TCERG1L: variants seen among roughly 807,000 people sequenced by gnomAD.
The protein encoded by TCERG1L is transcription elongation regulator 1 like.
A neutral mutation model predicts 56.3 loss-of-function variants in TCERG1L; 37 were observed. That is an observed-to-expected ratio of 0.66 (90% CI 0.51 to 0.87). The LOEUF (loss-of-function observed/expected upper bound fraction) is 0.87. TCERG1L is among the 40% of genes least tolerant of loss of function. TCERG1L has a pLI of 0.00. For synonymous variants in TCERG1L, 324 were observed against 326.3 expected, an observed-to-expected ratio of 0.99 and a Z score of 0.08; for missense variants, 799 against 774.2, an observed-to-expected ratio of 1.03 and a Z score of -0.38.
intron 4 of TCERG1L, among the ~76,000 whole-genome samples, chr10:131,216,282 T>C (rs959046952): frequency 3.3e-5 from 5 of 151,784 alleles, no homozygotes; most frequent in African/African-American, 1.2e-4. Flanking sequence ...TATGGAAGGG[T>C]AGAGACTGGG....
intron 4 of TCERG1L, among the ~76,000 whole-genome samples, chr10:131,219,691 C>T (rs917123924): frequency 9.2e-5 from 14 of 152,296 alleles, no homozygotes; most frequent in Non-Finnish European, 1.9e-4. Context: ...GGCTTCCCCT[C>T]GAAGCTCACC....
intron 6 of TCERG1L, chr10:131,162,405 C>G (rs1347204822): frequency 6.6e-6 from 1 of 152,272 alleles, no homozygotes; most frequent in Admixed American, 6.5e-5. Flanking sequence ...GGGCATGGCA[C>G]AGCAGGCCCA....
At chr10:131,149,051 T>C (rs1413569531) in intron 6 of TCERG1L, among the ~76,000 whole-genome samples, 4 of 152,252 alleles carry the variant, frequency 2.6e-5, no homozygotes, top group African/African-American at 9.6e-5. Context: ...GCTCCAGCCC[T>C]GCCCTTGACC....
rs144035913 is a variant in TCERG1L, at chr10:131,120,013, C to G, written c.1260-3079G>C. ...GGGCACCATAGCCCTGGGCGGGGGT[C>G]CCTCACGCCCAGGGTCCGCCCCTCC... On this transcript the variant is annotated intron_variant, in intron 8 of 11. Coordinates refer to ENST00000368642, the MANE Select transcript of TCERG1L (RefSeq NM_174937.4). 1.9e-4 allele frequency among the ~76,000 whole-genome samples: 29 copies of G among 152,242 alleles called. No individual in the cohort carries two copies. In the East Asian group the frequency reaches 5.3e-3, roughly 28 times the overall value.
At chr10:131,217,653 C>G (rs1191255471) in intron 4 of TCERG1L, among the ~76,000 whole-genome samples, 2 of 150,436 alleles carry the variant, frequency 1.3e-5, no homozygotes, top group South Asian at 2.1e-4. Context: ...CAATGGGAAG[C>G]TCCACTCCTT....
At chr10:131,180,484 A>T (rs1435307787) in intron 4 of TCERG1L, among the ~76,000 whole-genome samples, 1 of 152,250 alleles carries the variant, frequency 6.6e-6, no homozygotes, top group African/African-American at 2.4e-5. Flanking sequence ...TTTTACGTTC[A>T]CATTCATTTT....
chr10:131,119,969 C>G (rs66915007), intron 8 of TCERG1L, among the ~76,000 whole-genome samples: 28,057 of 152,142 alleles, frequency 0.18, 3,060 homozygotes, highest in Admixed American at 0.26. Flanking sequence ...TTTAACCAGG[C>G]TAGGTGCTCC....
At chr10:131,234,026 T>C (rs568856785) in intron 4 of TCERG1L, among the ~76,000 whole-genome samples, 8 of 152,300 alleles carry the variant, frequency 5.3e-5, no homozygotes, top group African/African-American at 1.9e-4. Context: ...TTCTGCCACA[T>C]TGTGACACAG....
chr10:131,217,959 C>T (rs995534934), intron 4 of TCERG1L, among the ~76,000 whole-genome samples: 3 of 152,084 alleles, frequency 2.0e-5, no homozygotes, highest in Non-Finnish European at 2.9e-5. Flanking sequence ...CTCCTGACCT[C>T]GTGATCTGCC....
rs1845234024 is a variant in TCERG1L, at chr10:131,185,738, A to G, written c.857-18853T>C. Among the ~76,000 whole-genome samples, 4 of 152,198 alleles carry G rather than the reference A, an allele frequency of 2.6e-5. No homozygotes were observed. The South Asian group carries it at 8.3e-4, about 32-fold the overall frequency. ...CAATTTCAGAAAATAAAGGAAAATA[A>G]CAAGTATTGAGAGTACAGTGAAAAT... On this transcript the variant is annotated intron_variant, in intron 4 of 11. Coordinates refer to ENST00000368642, the MANE Select transcript of TCERG1L (RefSeq NM_174937.4).
At chr10:131,270,781 G>A (rs1211565208) in intron 3 of TCERG1L, among the ~76,000 whole-genome samples, 2 of 152,118 alleles carry the variant, frequency 1.3e-5, no homozygotes, top group Admixed American at 6.5e-5. Context: ...GTGTGTCGTG[G>A]GAGATATCAG....
chr10:131,202,534 T>C (rs1165538717), intron 4 of TCERG1L, among the ~76,000 whole-genome samples: 2 of 151,910 alleles, frequency 1.3e-5, no homozygotes, highest in Non-Finnish European at 2.9e-5. Context: ...TAAGACAAGA[T>C]CATGCCACTG....
At chr10:131,286,831 G>T (rs893841570) in intron 3 of TCERG1L, among the ~76,000 whole-genome samples, 1 of 152,190 alleles carries the variant, frequency 6.6e-6, no homozygotes, top group African/African-American at 2.4e-5. Flanking sequence ...AATGAGCTTG[G>T]TTGTTATCTT....
intron 8 of TCERG1L, among the ~76,000 whole-genome samples, chr10:131,129,348 T>C (rs764242780): frequency 3.9e-5 from 6 of 152,274 alleles, no homozygotes; most frequent in Non-Finnish European, 8.8e-5. Flanking sequence ...TACTATTATA[T>C]TCTAGAATAT....
chr10:131,308,266 C>T lies in TCERG1L; in HGVS notation c.615G>A (p.Pro205=), dbSNP rs773472885. The change falls in exon 3 of 12, where the codon CCG becomes CCA. Residue 205 remains proline (P), a synonymous_variant. Transcript: ENST00000368642. ...ANQVAVSLSR[P]APASRPLPTV... ...TGGGGAGCGGCCTGGAGGCAGGAGC[C>T]GGCCTGGACAGAGACACAGCTACTT... is the stretch of plus-strand genomic sequence containing the variant. 1.7e-5 allele frequency: 28 copies of T among 1,613,740 alleles called. No homozygotes were observed. Among genetic ancestry groups the T allele is most frequent in the African/African-American group, 4.0e-5 (3 of 74,886 alleles).
intron 6 of TCERG1L, chr10:131,161,044 C>T (rs910141990): frequency 1.3e-5 from 2 of 152,258 alleles, no homozygotes; most frequent in Non-Finnish European, 2.9e-5. Context: ...CCTGTAGAAG[C>T]TCTCAACCAG....
At chr10:131,218,975 G>T (rs1845702578) in intron 4 of TCERG1L, among the ~76,000 whole-genome samples, 1 of 152,188 alleles carries the variant, frequency 6.6e-6, no homozygotes, top group South Asian at 2.1e-4. Flanking sequence ...TCCTGCCTTA[G>T]CCAGGGCACC....
intron 8 of TCERG1L, among the ~76,000 whole-genome samples, chr10:131,123,096 CT>C (rs1845529775): frequency 6.6e-6 from 1 of 152,190 alleles, no homozygotes; most frequent in Non-Finnish European, 1.5e-5. Flanking sequence ...CACTGCTCAC[CT>C]GCAGGGTCCT....
intron 11 of TCERG1L, chr10:131,095,100 A>C (rs1266256012): frequency 1.3e-5 from 2 of 152,712 alleles, no homozygotes; most frequent in Non-Finnish European, 2.9e-5. Flanking sequence ...CCCTCTGCTA[A>C]GTGGGACTCG....
Sources: allele counts gnomAD v4.1 joint callset (sites outside exome capture counted in the v4.1 genomes callset), GRCh38; gene constraint gnomAD v4.1.1; transcripts MANE v1.5; gene names NCBI Gene and HGNC (gene_info 2026-07-23, HGNC 2026-07-21).